TAFA5: variants seen among roughly 807,000 people sequenced by gnomAD.
TAFA5 encodes chemokine-like protein TAFA-5.
Under a neutral mutation model 15.3 loss-of-function variants are expected in TAFA5, and 6 were observed. The observed-to-expected ratio is 0.39, with a 90% CI of 0.21 to 0.77. TAFA5 has a LOEUF of 0.77. Ranked by LOEUF, TAFA5 falls within the 30% of genes least tolerant of loss-of-function variation. The probability of loss-of-function intolerance (pLI) is 0.41; values close to 1 mark genes in which losing one functional copy is unlikely to be tolerated. For synonymous variants in TAFA5, 103 were observed against 80.7 expected (o/e 1.28, Z -1.48); for missense variants, 161 against 193.1 (o/e 0.83, Z 0.98).
intron 1 of TAFA5, among the ~76,000 whole-genome samples, chr22:48,500,001 AC>A (rs1159357666): frequency 6.6e-6 from 1 of 152,054 alleles, no homozygotes; most frequent in Non-Finnish European, 1.5e-5. Context: ...TGTGTCTTAA[AC>A]CAAAGCCACC....
At chr22:48,744,931 C>G (rs559680444) in intron 3 of TAFA5, among the ~76,000 whole-genome samples, 2 of 151,978 alleles carry the variant, frequency 1.3e-5, no homozygotes, top group East Asian at 3.9e-4. Context: ...TGCTTTTGTA[C>G]TTTTAGTAGA....
chr22:48,616,077 G>A (rs887263182), intron 1 of TAFA5, among the ~76,000 whole-genome samples: 1 of 152,036 alleles, frequency 6.6e-6, no homozygotes, highest in Non-Finnish European at 1.5e-5. Flanking sequence ...CACCGGCCTG[G>A]TGTGCTGATT....
In TAFA5 at chr22:48,682,878, C is replaced by T. The variant is rs116611743; in HGVS notation, c.263-24839C>T. 4.2e-3 allele frequency among the ~76,000 whole-genome samples: 639 copies of T among 152,196 alleles called. 4 individuals carry two copies. Among genetic ancestry groups the T allele is most frequent in the African/African-American group, 0.015 (606 of 41,536 alleles). ...ATGATTTCAAGGTTGTGTTTCATTA[C>T]AGTGTGGCAGGAAGGCTTGACACGC... On this transcript the variant is annotated intron_variant, in intron 2 of 3. Coordinates refer to ENST00000402357, the MANE Select transcript of TAFA5 (RefSeq NM_001082967.3).
intron 1 of TAFA5, chr22:48,543,745 A>T (rs1009410444): frequency 6.6e-6 from 1 of 152,326 alleles, no homozygotes; most frequent in African/African-American, 2.4e-5. Context: ...CTCCAGGCTG[A>T]GTATCTCTGG....
chr22:48,730,994 G>C (rs1929854294), intron 3 of TAFA5, among the ~76,000 whole-genome samples: 1 of 152,172 alleles, frequency 6.6e-6, no homozygotes, highest in African/African-American at 2.4e-5. Context: ...TGAATGCTAG[G>C]CCTCTCGCAC....
At chr22:48,545,500 C>G (rs1335598060) in intron 1 of TAFA5, 1 of 155,036 alleles carries the variant, frequency 6.5e-6, no homozygotes, top group African/African-American at 2.4e-5. Flanking sequence ...AGTGATTACT[C>G]TGAACCCAGC....
chr22:48,686,899 AATGGATGGATGG>A (rs55750601), intron 2 of TAFA5, among the ~76,000 whole-genome samples: 2,220 of 136,364 alleles, frequency 0.016, 59 homozygotes, highest in African/African-American at 0.051. Flanking sequence ...TTGATGGTTG[AATGGATGGATGG>A]ATGGATGGAT....
At chr22:48,532,192 A>G (rs1377210201) in intron 1 of TAFA5, among the ~76,000 whole-genome samples, 1 of 152,196 alleles carries the variant, frequency 6.6e-6, no homozygotes, top group African/African-American at 2.4e-5. Flanking sequence ...CTTGGCTTCC[A>G]GGGGTTTTTC....
At chr22:48,578,593 A>T (rs1236621510) in intron 1 of TAFA5, among the ~76,000 whole-genome samples, 6 of 152,028 alleles carry the variant, frequency 3.9e-5, no homozygotes, top group Non-Finnish European at 7.4e-5. Flanking sequence ...TGGGATGAGG[A>T]TGGGGTCAGC....
intron 1 of TAFA5, among the ~76,000 whole-genome samples, chr22:48,581,466 G>A (rs1331299695): frequency 6.6e-6 from 1 of 152,222 alleles, no homozygotes; most frequent in East Asian, 1.9e-4. Flanking sequence ...AAAGCCGTGC[G>A]GAGAATGGTT....
chr22:48,729,269 AT>A (rs1929792587), intron 3 of TAFA5, among the ~76,000 whole-genome samples: 1 of 125,536 alleles, frequency 8.0e-6, no homozygotes, highest in South Asian at 2.5e-4. Flanking sequence ...ATAATTTTAT[AT>A]TTATTTATAA....
intron 1 of TAFA5, among the ~76,000 whole-genome samples, chr22:48,534,218 A>G (rs1287876712): frequency 6.1e-5 from 9 of 147,486 alleles, no homozygotes; most frequent in Non-Finnish European, 1.0e-4. Flanking sequence ...TGAAATGAAT[A>G]AGTCAGGTGC....
intron 1 of TAFA5, chr22:48,547,235 G>C (rs1357521647): frequency 6.6e-6 from 1 of 152,322 alleles, no homozygotes; most frequent in African/African-American, 2.4e-5. Context: ...CGGCTCCCCT[G>C]CGCCTAGTGG....
chr22:48,576,736 G>C (rs1236272824), intron 1 of TAFA5, among the ~76,000 whole-genome samples: 1 of 151,358 alleles, frequency 6.6e-6, no homozygotes, highest in African/African-American at 2.4e-5. Flanking sequence ...ACCCTACCAG[G>C]AGCCCGACCC....
At chr22:48,602,350 C>T (rs572871444) in intron 1 of TAFA5, among the ~76,000 whole-genome samples, 1 of 152,338 alleles carries the variant, frequency 6.6e-6, no homozygotes, top group Admixed American at 6.5e-5. Context: ...GGCCTGGGCT[C>T]CAGGGTCCCT....
chr22:48,741,227 G>T (rs978444641), intron 3 of TAFA5, among the ~76,000 whole-genome samples: 2 of 152,108 alleles, frequency 1.3e-5, no homozygotes, highest in Non-Finnish European at 2.9e-5. Context: ...TTCCCACACT[G>T]CGAAGCCGGA....
At chr22:48,712,314 C>T (rs1929278264) in intron 3 of TAFA5, among the ~76,000 whole-genome samples, 1 of 152,226 alleles carries the variant, frequency 6.6e-6, no homozygotes, top group South Asian at 2.1e-4. Context: ...GCCTCGGCCT[C>T]CCAAAGTGCT....
intron 1 of TAFA5, among the ~76,000 whole-genome samples, chr22:48,548,910 G>A (rs751254069): frequency 6.6e-6 from 1 of 152,222 alleles, no homozygotes; most frequent in African/African-American, 2.4e-5. Flanking sequence ...TGGTTTCACT[G>A]AACTCATTGT....
At chr22:48,533,802 T>C (rs1225475636) in intron 1 of TAFA5, among the ~76,000 whole-genome samples, 5 of 152,208 alleles carry the variant, frequency 3.3e-5, no homozygotes, top group African/African-American at 4.8e-5. Context: ...CTGTCCTTTC[T>C]TGCTGTACAG....
Sources: allele counts gnomAD v4.1 joint callset (sites outside exome capture counted in the v4.1 genomes callset), GRCh38; gene constraint gnomAD v4.1.1; transcripts MANE v1.5; gene names NCBI Gene and HGNC (gene_info 2026-07-23, HGNC 2026-07-21).